MTHFD2L: variants seen among roughly 807,000 people sequenced by gnomAD.
The protein encoded by MTHFD2L is bifunctional methylenetetrahydrofolate dehydrogenase/cyclohydrolase 2, mitochondrial.
Under a neutral mutation model 34.9 loss-of-function variants are expected in MTHFD2L, and 29 were observed. That is an observed-to-expected ratio of 0.83 (90% CI 0.62 to 1.13). MTHFD2L has a LOEUF of 1.13. MTHFD2L is among the 50% of genes most tolerant of loss of function. MTHFD2L has a pLI of 0.00. For synonymous variants in MTHFD2L, 167 were observed against 155.7 expected, an observed-to-expected ratio of 1.07 and a Z score of -0.54; for missense variants, 481 against 446.5, an observed-to-expected ratio of 1.08 and a Z score of -0.70.
At chr4:74,118,213 A>G (rs1241509133) in intron 2 of MTHFD2L, among the ~76,000 whole-genome samples, 1 of 152,238 alleles carries the variant, frequency 6.6e-6, no homozygotes, top group Non-Finnish European at 1.5e-5. Flanking sequence ...AAACACTTAT[A>G]GAATAAAAGT....
At chr4:74,148,974 T>A (rs2109852539) in intron 1 of MTHFD2L, among the ~76,000 whole-genome samples, 1 of 151,902 alleles carries the variant, frequency 6.6e-6, no homozygotes, top group Admixed American at 6.6e-5. Context: ...TAGCCAAATT[T>A]TGGAGTGTGA....
At chr4:74,301,027 A>C (rs77896139) in intron 7 of MTHFD2L, among the ~76,000 whole-genome samples, 3 of 152,202 alleles carry the variant, frequency 2.0e-5, no homozygotes, top group African/African-American at 7.2e-5. Flanking sequence ...ACATATCACT[A>C]GCTGGGAGAA....
intron 1 of MTHFD2L, among the ~76,000 whole-genome samples, chr4:74,159,597 A>G (rs1724963126): frequency 6.6e-6 from 1 of 152,204 alleles, no homozygotes; most frequent in Non-Finnish European, 1.5e-5. Flanking sequence ...ACCTGCATAC[A>G]TTGAATGGAA....
chr4:74,114,761 T>C (rs1301652197), intron 2 of MTHFD2L: 1 of 152,168 alleles, frequency 6.6e-6, no homozygotes, highest in Non-Finnish European at 1.5e-5. Context: ...ATGTCTAGGT[T>C]TGTGGGTCTT....
intron 1 of MTHFD2L, among the ~76,000 whole-genome samples, chr4:74,151,698 T>A (rs1723949846): frequency 6.6e-6 from 1 of 152,188 alleles, no homozygotes; most frequent in African/African-American, 2.4e-5. Flanking sequence ...CCCATTTGAC[T>A]AAAAAACTGA....
chr4:74,217,540 A>C (rs2110100131), intron 5 of MTHFD2L, among the ~76,000 whole-genome samples: 1 of 151,830 alleles, frequency 6.6e-6, no homozygotes, highest in East Asian at 1.9e-4. Context: ...CCGTGACATG[A>C]ACTAATATAT....
Position 74,271,898 on chromosome 4 carries a change from T to C in MTHFD2L, c.806-9527T>C, listed in dbSNP as rs368632297. On this transcript the variant is annotated intron_variant, in intron 6 of 7. Coordinates refer to ENST00000325278, the MANE Select transcript of MTHFD2L (RefSeq NM_001144978.3). ...AGAGGTCTTTCACATCCCTTGTAAG[T>C]TGGATTCCTAGGTATTTTATTCTCT... Among the ~76,000 whole-genome samples the C allele has an allele frequency of 1.6e-4, 25 of 152,290 alleles. No homozygotes were observed. In the East Asian group the frequency reaches 4.6e-3, roughly 28 times the overall value.
chr4:74,281,041 A>T (rs1333071813), intron 6 of MTHFD2L, among the ~76,000 whole-genome samples: 1 of 140,796 alleles, frequency 7.1e-6, no homozygotes, highest in Non-Finnish European at 1.5e-5. Flanking sequence ...CCTCCTTCCG[A>T]TTTCCAAGTT....
upstream of MTHFD2L, among the ~76,000 whole-genome samples, chr4:74,121,893 G>A (rs1283162164): frequency 6.6e-6 from 1 of 151,880 alleles, no homozygotes. Flanking sequence ...TTGCATGTGA[G>A]GACACAATGA....
At chr4:74,163,402 G>A (rs1725886816) in intron 1 of MTHFD2L, among the ~76,000 whole-genome samples, 1 of 152,238 alleles carries the variant, frequency 6.6e-6, no homozygotes, top group Non-Finnish European at 1.5e-5. Flanking sequence ...GTGGCACAAA[G>A]CTTAGCATCT....
At chr4:74,188,119 ACT>A (rs2110010479) in intron 3 of MTHFD2L, among the ~76,000 whole-genome samples, 1 of 47,662 alleles carries the variant, frequency 2.1e-5, no homozygotes, top group East Asian at 6.7e-4. Context: ...AAGAGTATAT[ACT>A]CTGTGATTTC....
intron 6 of MTHFD2L, among the ~76,000 whole-genome samples, chr4:74,247,864 C>T (rs1190696541): frequency 6.6e-6 from 1 of 152,094 alleles, no homozygotes; most frequent in Non-Finnish European, 1.5e-5. Context: ...TTTTGATGTG[C>T]TGCTGGATTC....
chr4:74,190,373 G>A lies in MTHFD2L; in HGVS notation c.452-9421G>A, dbSNP rs73824413. On this transcript the variant is annotated intron_variant, in intron 3 of 7. Coordinates refer to ENST00000325278, the MANE Select transcript of MTHFD2L (RefSeq NM_001144978.3). ...TTAGCAACCTTTGCGTGATGTGTAG[G>A]TTCCAACTTCATTAATTTTTATTTT... 9,459 of 618,338 alleles carry A rather than the reference G, an allele frequency of 0.015. 757 individuals carry two copies. In the African/African-American group the frequency reaches 0.17, roughly 11 times the overall value. The allele number at this position is 618,338 out of a possible 1,614,324, so 38.3% of individuals were successfully genotyped here.
intron 6 of MTHFD2L, among the ~76,000 whole-genome samples, chr4:74,279,711 T>G (rs1313196867): frequency 6.6e-6 from 1 of 152,130 alleles, no homozygotes; most frequent in Non-Finnish European, 1.5e-5. Flanking sequence ...AATGTATGTC[T>G]TCTTTTTCTA....
At chr4:74,155,493 T>A (rs1469931798), upstream of MTHFD2L, among the ~76,000 whole-genome samples, 1 of 152,086 alleles carries the variant, frequency 6.6e-6, no homozygotes, top group Non-Finnish European at 1.5e-5. Context: ...ACTGATCAAA[T>A]TTGGAAGATA....
intron 5 of MTHFD2L, among the ~76,000 whole-genome samples, chr4:74,214,957 C>T (rs981284084): frequency 2.6e-5 from 4 of 151,636 alleles, no homozygotes; most frequent in Non-Finnish European, 5.9e-5. Flanking sequence ...TTGTTGGCTC[C>T]GCCTCCTTCA....
chr4:74,229,341 G>A (rs62312494), intron 6 of MTHFD2L, among the ~76,000 whole-genome samples: 1 of 152,092 alleles, frequency 6.6e-6, no homozygotes, highest in African/African-American at 2.4e-5. Context: ...TTGTGTGTGG[G>A]AACTAAACAA....
intron 6 of MTHFD2L, among the ~76,000 whole-genome samples, chr4:74,257,204 T>C (rs1417942270): frequency 6.6e-6 from 1 of 152,200 alleles, no homozygotes; most frequent in Non-Finnish European, 1.5e-5. Context: ...TCTAGGTATT[T>C]TGTATGTGCT....
At chr4:74,252,657 C>T (rs1180560423) in intron 6 of MTHFD2L, among the ~76,000 whole-genome samples, 1 of 151,876 alleles carries the variant, frequency 6.6e-6, no homozygotes, top group Non-Finnish European at 1.5e-5. Flanking sequence ...AATATGAACA[C>T]AACAGAAAAT....
Sources: allele counts gnomAD v4.1 joint callset (sites outside exome capture counted in the v4.1 genomes callset), GRCh38; gene constraint gnomAD v4.1.1; transcripts MANE v1.5; gene names NCBI Gene and HGNC (gene_info 2026-07-23, HGNC 2026-07-21).